The following CMSS1 variants were observed in gnomAD, a reference collection of about 807,000 sequenced individuals.
CMSS1 encodes cms1 ribosomal small subunit homolog.
Under a neutral mutation model 43.5 loss-of-function variants are expected in CMSS1, and 33 were observed. That is an observed-to-expected ratio of 0.76 (90% CI 0.57 to 1.01). The LOEUF (loss-of-function observed/expected upper bound fraction) is 1.01, where lower values mean the gene tolerates loss of function less well. Ranked by LOEUF, CMSS1 falls within the 50% of genes least tolerant of loss-of-function variation. The pLI is 0.00. For synonymous variants in CMSS1, 115 were observed against 117.2 expected (o/e 0.98, Z 0.12); for missense variants, 313 against 326.4 (o/e 0.96, Z 0.32).
chr3:99,827,930 A>G (rs1202199422), intron 1 of CMSS1, among the ~76,000 whole-genome samples: 1 of 152,156 alleles, frequency 6.6e-6, no homozygotes, highest in Non-Finnish European at 1.5e-5. Context: ...AGTACTTTGT[A>G]TACTATCTTG....
At chr3:100,136,151 G>A (rs560161843) in intron 1 of CMSS1, among the ~76,000 whole-genome samples, 1 of 152,280 alleles carries the variant, frequency 6.6e-6, no homozygotes, top group East Asian at 1.9e-4. Flanking sequence ...ATATCCAGAA[G>A]CATTTGTTTT....
chr3:100,164,640 A>T (rs1203750526), intron 4 of CMSS1, among the ~76,000 whole-genome samples: 3 of 152,188 alleles, frequency 2.0e-5, no homozygotes, highest in Non-Finnish European at 4.4e-5. Context: ...GGAAGGTTTG[A>T]GAGAACAGGC....
intron 1 of CMSS1, 115 bp from the exon 2 acceptor site, chr3:100,146,858 C>T: frequency 7.6e-7 from 1 of 1,315,770 alleles, no homozygotes; most frequent in Non-Finnish European, 1.0e-6. Flanking sequence ...AGTGCAGCTT[C>T]TTTGAGGTAG....
At chr3:100,149,735 C>T (rs997347947) in intron 2 of CMSS1, among the ~76,000 whole-genome samples, 6 of 152,104 alleles carry the variant, frequency 3.9e-5, no homozygotes, top group South Asian at 2.1e-4. Context: ...TTTATCTGTG[C>T]GTCTCCACAG....
intron 1 of CMSS1, chr3:99,850,177 A>G: frequency 6.2e-7 from 1 of 1,611,136 alleles, no homozygotes. Context: ...TTCATCTACA[A>G]ACATCACAGT....
At chr3:99,879,674 G>A (rs893609370) in intron 1 of CMSS1, among the ~76,000 whole-genome samples, 2 of 152,170 alleles carry the variant, frequency 1.3e-5, no homozygotes, top group Admixed American at 1.3e-4. Context: ...CAGTTGGTAC[G>A]CTCTGCTCCC....
chr3:100,001,235 C>T (rs1158305192), intron 1 of CMSS1, among the ~76,000 whole-genome samples: 1 of 152,170 alleles, frequency 6.6e-6, no homozygotes, highest in Non-Finnish European at 1.5e-5. Context: ...ACCAGCAGAT[C>T]AAATCAGACC....
At chr3:100,162,210 A>G in intron 3 of CMSS1, 93 bp from the exon 4 acceptor site, 1 of 1,060,074 alleles carries the variant, frequency 9.4e-7, no homozygotes, top group Non-Finnish European at 1.4e-6. Flanking sequence ...ACCAAAAGCT[A>G]TGTGCCGTTT....
intron 1 of CMSS1, among the ~76,000 whole-genome samples, chr3:100,127,701 G>A (rs1323447771): frequency 6.6e-6 from 1 of 152,162 alleles, no homozygotes; most frequent in East Asian, 1.9e-4. Context: ...CCCACAATTA[G>A]AACCTCTTGA....
intron 1 of CMSS1, among the ~76,000 whole-genome samples, chr3:100,016,554 G>T (rs572495089): frequency 2.5e-4 from 38 of 152,254 alleles, no homozygotes; most frequent in Non-Finnish European, 4.6e-4. Flanking sequence ...AGGGTGCCTT[G>T]CTGAAACTTC....
At chr3:100,074,592 A>G (rs912197025) in intron 1 of CMSS1, among the ~76,000 whole-genome samples, 2 of 149,622 alleles carry the variant, frequency 1.3e-5, no homozygotes, top group Non-Finnish European at 3.0e-5. Flanking sequence ...AGTAAAAACT[A>G]TGCTTGAGAA....
At chr3:100,012,704 A>G (rs978429696) in intron 1 of CMSS1, among the ~76,000 whole-genome samples, 4 of 150,810 alleles carry the variant, frequency 2.7e-5, no homozygotes, top group Non-Finnish European at 5.9e-5. Context: ...GTTGACATCA[A>G]GTTTTCCAGA....
intron 1 of CMSS1, among the ~76,000 whole-genome samples, chr3:100,119,148 A>G (rs1486199164): frequency 6.6e-6 from 1 of 152,212 alleles, no homozygotes; most frequent in African/African-American, 2.4e-5. Context: ...GCTTTTTGCT[A>G]GATTTTACAA....
chr3:99,949,339 C>G (rs936372356), intron 1 of CMSS1, among the ~76,000 whole-genome samples: 1 of 152,034 alleles, frequency 6.6e-6, no homozygotes, highest in African/African-American at 2.4e-5. Flanking sequence ...TAAATAAAAC[C>G]CTCCATAGTT....
intron 1 of CMSS1, among the ~76,000 whole-genome samples, chr3:100,086,020 A>G (rs1250616399): frequency 6.6e-6 from 1 of 152,246 alleles, no homozygotes; most frequent in East Asian, 1.9e-4. Flanking sequence ...TGAAAAGTAC[A>G]TCTGCATTTG....
At chr3:99,915,917 T>G (rs1706936610) in intron 1 of CMSS1, among the ~76,000 whole-genome samples, 1 of 152,250 alleles carries the variant, frequency 6.6e-6, no homozygotes, top group South Asian at 2.1e-4. Context: ...TCTACATAAA[T>G]GCTTTCTTGG....
At chr3:99,947,952 A>T (rs1409755584) in intron 1 of CMSS1, among the ~76,000 whole-genome samples, 2 of 152,360 alleles carry the variant, frequency 1.3e-5, no homozygotes, top group South Asian at 2.1e-4. Context: ...AGACTTGAAT[A>T]AAAAATATGA....
intron 1 of CMSS1, among the ~76,000 whole-genome samples, chr3:100,031,333 A>G (rs1359205931): frequency 6.6e-6 from 1 of 152,148 alleles, no homozygotes; most frequent in Non-Finnish European, 1.5e-5. Flanking sequence ...ACTTTCATCT[A>G]GCAGTCCAAT....
intron 1 of CMSS1, among the ~76,000 whole-genome samples, chr3:99,918,367 G>C (rs538033259): frequency 6.6e-6 from 1 of 152,146 alleles, no homozygotes; most frequent in Admixed American, 6.5e-5. Context: ...AGACCAGACT[G>C]CCACTATCTC....
Sources: allele counts gnomAD v4.1 joint callset (sites outside exome capture counted in the v4.1 genomes callset), GRCh38; gene constraint gnomAD v4.1.1; transcripts MANE v1.5; gene names NCBI Gene and HGNC (gene_info 2026-07-23, HGNC 2026-07-21).